ASXL2: variants seen among roughly 807,000 people sequenced by gnomAD.
ASXL2 encodes ASXL transcriptional regulator 2.
Under a neutral mutation model 122.0 loss-of-function variants are expected in ASXL2, and 23 were observed. That is an observed-to-expected ratio of 0.19 (90% confidence interval 0.14 to 0.27). The LOEUF (loss-of-function observed/expected upper bound fraction) is 0.27. Among genes scored for constraint, ASXL2 ranks in the 10% least tolerant of loss-of-function variants. ASXL2 has a pLI of 1.00. For synonymous variants in ASXL2, 650 were observed against 637.0 expected, an observed-to-expected ratio of 1.02 and a Z score of -0.31; for missense variants, 1,518 against 1,713.8, an observed-to-expected ratio of 0.89 and a Z score of 2.02.
chr2:25,750,438 T>G, intron 11 of ASXL2, 25 bp from the exon 12 acceptor site: 1 of 1,549,436 alleles, frequency 6.5e-7, no homozygotes, highest in Non-Finnish European at 8.7e-7. Flanking sequence ...AAAGAAATAT[T>G]CCAGTTGAAA....
At chr2:25,846,233 G>A (rs1468093802) in intron 1 of ASXL2, among the ~76,000 whole-genome samples, 2 of 152,206 alleles carry the variant, frequency 1.3e-5, no homozygotes, top group African/African-American at 4.8e-5. Flanking sequence ...AATTATCTGG[G>A]TTTTTCCCCC....
chr2:25,756,461 A>G (rs1258658059), intron 9 of ASXL2, among the ~76,000 whole-genome samples: 1 of 135,106 alleles, frequency 7.4e-6, no homozygotes, highest in African/African-American at 2.9e-5. Flanking sequence ...GACAAAAAAA[A>G]AAAGAAAAAA....
intron 1 of ASXL2, among the ~76,000 whole-genome samples, chr2:25,869,897 G>C (rs181055292): frequency 6.9e-6 from 1 of 145,544 alleles, no homozygotes; most frequent in Non-Finnish European, 1.5e-5. Flanking sequence ...GGTATATCCA[G>C]TAACAATGAA....
At chr2:25,802,746 A>G (rs984728765) in intron 4 of ASXL2, among the ~76,000 whole-genome samples, 10 of 152,208 alleles carry the variant, frequency 6.6e-5, no homozygotes, top group South Asian at 2.1e-4. Flanking sequence ...CTGAAGGTGG[A>G]GCTGATCACC....
chr2:25,770,730 A>G (rs2149154901), intron 6 of ASXL2, among the ~76,000 whole-genome samples: 1 of 152,242 alleles, frequency 6.6e-6, no homozygotes, highest in South Asian at 2.1e-4. Context: ...GTCTCAAAAA[A>G]GACAAAAAGA....
At chr2:25,786,997 A>C (rs2088758701) in intron 5 of ASXL2, among the ~76,000 whole-genome samples, 1 of 152,094 alleles carries the variant, frequency 6.6e-6, no homozygotes, top group Non-Finnish European at 1.5e-5. Context: ...AAAAAGAAAA[A>C]GAAAATTGCC....
chr2:25,744,567 G>A lies in ASXL2; in HGVS notation c.1861-91C>T. 7.3e-7 allele frequency: 1 copy of A among 1,371,308 alleles called. No homozygotes were observed. Among genetic ancestry groups the A allele is most frequent in the Non-Finnish European group, 9.8e-7 (1 of 1,023,388 alleles). 84.9% of individuals were successfully genotyped at this position (1,371,308 alleles called of 1,614,324 possible). The stretch of plus-strand genomic sequence containing the variant: ...CATTAGCCCTCACATTTTAAAAACA[G>A]ATGAACACTACAGTACCTGTGACAA... On this transcript the variant is annotated intron_variant, in intron 12 of 12. Coordinates refer to ENST00000435504, the MANE Select transcript of ASXL2 (RefSeq NM_018263.6). The surrounding 1 kb of genome is among the most constrained non-coding windows in gnomAD (Gnocchi z 4.7).
chr2:25,753,735 T>C (rs1454458110), intron 10 of ASXL2, 96 bp from the exon 11 acceptor site: 2 of 913,470 alleles, frequency 2.2e-6, no homozygotes, highest in African/African-American at 3.3e-5. Flanking sequence ...GGAATTGGAA[T>C]ACTACCATGT....
intron 1 of ASXL2, among the ~76,000 whole-genome samples, chr2:25,851,789 G>C (rs987592199): frequency 6.6e-6 from 1 of 152,274 alleles, no homozygotes; most frequent in South Asian, 2.1e-4. Context: ...TACTCGGGAG[G>C]CTGAGGCACG....
chr2:25,814,830 C>T (rs1308399886), intron 3 of ASXL2, among the ~76,000 whole-genome samples: 1 of 152,122 alleles, frequency 6.6e-6, no homozygotes, highest in Admixed American at 6.5e-5. Flanking sequence ...GTCATCACTG[C>T]ATGGTAAAGA....
intron 8 of ASXL2, among the ~76,000 whole-genome samples, chr2:25,760,279 T>C (rs2088219086): frequency 6.6e-6 from 1 of 151,616 alleles, no homozygotes; most frequent in African/African-American, 2.4e-5. Context: ...AAACAGCAAT[T>C]ACACATCAAT....
At chr2:25,831,751 A>C (rs184337541) in intron 3 of ASXL2, among the ~76,000 whole-genome samples, 5 of 152,338 alleles carry the variant, frequency 3.3e-5, no homozygotes. Flanking sequence ...CAAGAAACTC[A>C]GTGAATCTAA....
intron 8 of ASXL2, among the ~76,000 whole-genome samples, chr2:25,761,692 A>AG (rs2088249890): frequency 6.6e-6 from 1 of 151,252 alleles, no homozygotes; most frequent in Non-Finnish European, 1.5e-5. Flanking sequence ...AAAAAAAAAA[A>AG]GGAATTTAAG....
At chr2:25,828,330 C>A (rs959744123) in intron 3 of ASXL2, among the ~76,000 whole-genome samples, 1 of 151,674 alleles carries the variant, frequency 6.6e-6, no homozygotes, top group Non-Finnish European at 1.5e-5. Flanking sequence ...CATGGAGAAA[C>A]CCCGTCTCCA....
rs147000795 is a variant in ASXL2 at position 25,809,146 on chromosome 2, C to G, written c.144-2809G>C. On this transcript the variant is annotated intron_variant, in intron 3 of 12. Coordinates refer to ENST00000435504, the MANE Select transcript of ASXL2 (RefSeq NM_018263.6). ...TCACATGGCTAAATCAGTGGCAAAA[C>G]ATAATCTTTCAAGGAGGGAGGATAG... is the stretch of plus-strand genomic sequence containing the variant. 1.6e-3 allele frequency among the ~76,000 whole-genome samples: 247 copies of G among 152,164 alleles called. 2 individuals are homozygous for G. The highest frequency in any genetic ancestry group is 4.8e-3 in the African/African-American group (201 of 41,518).
Position 25,738,917 on chromosome 2 carries a change from C to T in ASXL2, c.*3112G>A, listed in dbSNP as rs1000174245. ...CCACAGATAGCTTCAGTATCTTGAG[C>T]ATAGGGGTTATGGAACAAGTAGGAC... On this transcript the variant is annotated 3_prime_UTR_variant, in exon 13 of 13. Transcript: ENST00000435504. The T allele has an allele frequency of 6.6e-6, 1 of 152,106 alleles. No homozygotes were observed. The highest frequency in any genetic ancestry group is 1.5e-5 in the Non-Finnish European group (1 of 68,014). The allele number at this position is 152,106 out of a possible 1,614,324, so 9.4% of individuals were successfully genotyped here.
At chr2:25,866,098 T>C (rs1198454027) in intron 1 of ASXL2, among the ~76,000 whole-genome samples, 4 of 152,130 alleles carry the variant, frequency 2.6e-5, no homozygotes, top group Non-Finnish European at 2.9e-5. Flanking sequence ...ATTTTTAAGA[T>C]TGTCATTAAA....
At chr2:25,777,265 T>A (rs2088561201) in intron 5 of ASXL2, among the ~76,000 whole-genome samples, 1 of 152,060 alleles carries the variant, frequency 6.6e-6, no homozygotes, top group South Asian at 2.1e-4. Flanking sequence ...TTTTTAAGTT[T>A]TTTTTTTAAA....
At position 25,744,442 on chromosome 2, in the gene ASXL2, T is replaced by C; in HGVS notation, c.1895A>G (p.His632Arg). The change falls in exon 13 of 13, where the codon CAT (histidine) becomes CGT (arginine). Residue 632 changes from histidine (H) to arginine (R), a missense_variant. By Grantham distance (29) the His-to-Arg change is conservative. Coordinates refer to ENST00000435504, the MANE Select transcript of ASXL2 (RefSeq NM_018263.6). The surrounding 1 kb of genome is among the most constrained non-coding windows in gnomAD (Gnocchi z 4.7). Reference protein sequence around the residue: ...PVSRISPMPFHPSQVSPRARF... With the variant: ...PVSRISPMPFRPSQVSPRARF... ...AGCCCTGGGAGAGACCTGCGATGGA[T>C]GAAACGGCATGGGGGAGATTCTGGA... 1.2e-6 allele frequency: 2 copies of C among 1,610,920 alleles called. No individual in the cohort carries two copies. Among genetic ancestry groups the C allele is most frequent in the Non-Finnish European group, 1.7e-6 (2 of 1,179,292 alleles).
Sources: allele counts gnomAD v4.1 joint callset (sites outside exome capture counted in the v4.1 genomes callset), GRCh38; gene constraint gnomAD v4.1.1; non-coding constraint Gnocchi (gnomAD v3.1); transcripts MANE v1.5; gene names NCBI Gene and HGNC (gene_info 2026-07-23, HGNC 2026-07-21).